MYO10: variants seen among roughly 807,000 people sequenced by gnomAD.
MYO10 encodes the protein unconventional myosin-X.
MYO10 carries 133 observed loss-of-function variants against 257.3 expected under a neutral mutation model. That is an observed-to-expected ratio of 0.52 (90% CI 0.45 to 0.60). The LOEUF (loss-of-function observed/expected upper bound fraction) is 0.60. MYO10 is among the 20% of genes least tolerant of loss of function. The pLI is 0.00. For synonymous variants in MYO10, 1,104 were observed against 1,028.6 expected, an observed-to-expected ratio of 1.07 and a Z score of -1.40; for missense variants, 2,399 against 2,635.7, an observed-to-expected ratio of 0.91 and a Z score of 1.97.
chr5:16,918,166 A>G (rs1056729639), intron 1 of MYO10, among the ~76,000 whole-genome samples: 2 of 152,212 alleles, frequency 1.3e-5, no homozygotes, highest in Non-Finnish European at 2.9e-5. Flanking sequence ...TGTTATCATT[A>G]AACTTGAAAG....
In MYO10 at chr5:16,830,679, G is replaced by GCACACACACACACGCTCACACACACA. The variant is rs1554000806; in HGVS notation, c.121-12513_121-12512insTGTGTGTGTGAGCGTGTGTGTGTGTG. Among the ~76,000 whole-genome samples, 355 of 149,024 alleles carry GCACACACACACACGCTCACACACACA rather than the reference G, an allele frequency of 2.4e-3. 5 individuals carry two copies. Among genetic ancestry groups the GCACACACACACACGCTCACACACACA allele is most frequent in the African/African-American group, 7.7e-3 (312 of 40,302 alleles). Reference sequence around the variant, plus strand: ...AATCCTAACGTTATTTTTTTAATAGGCACACACACACACACACACACAGGG... The same window carrying GCACACACACACACGCTCACACACACA: ...AATCCTAACGTTATTTTTTTAATAGGCACACACACACACGCTCACACACACACACACACACACACACACACACAGGG... On this transcript the variant is annotated intron_variant, in intron 2 of 40. Coordinates refer to ENST00000513610, the MANE Select transcript of MYO10 (RefSeq NM_012334.3).
At chr5:16,870,892 C>G (rs1030133822) in intron 2 of MYO10, among the ~76,000 whole-genome samples, 7 of 152,118 alleles carry the variant, frequency 4.6e-5, no homozygotes, top group Admixed American at 1.3e-4. Context: ...AACTCAGTCA[C>G]ACACACACAA....
chr5:16,833,004 C>T (rs1339278788), intron 2 of MYO10, among the ~76,000 whole-genome samples: 2 of 152,030 alleles, frequency 1.3e-5, no homozygotes, highest in South Asian at 2.1e-4. Context: ...CCCTCTACTG[C>T]CTCCCCTCTA....
In MYO10 at chr5:16,700,963, C is replaced by A; in HGVS notation, c.3432G>T (p.Ser1144=). 6.5e-7 allele frequency: 1 copy of A among 1,548,828 alleles called. No individual in the cohort carries two copies. The highest frequency in any genetic ancestry group is 8.7e-7 in the Non-Finnish European group (1 of 1,144,944). ...YRFSSEGAQS[S]FEDSEEDFDS... is the part of the protein sequence containing the mutation. ...TGGGACACGCCAGGCAGGTACTTAC[C>A]GAGGACTGCGCCCCCTCAGAGCTGA... The change falls in exon 25 of 41, where the codon TCG becomes TCT. Residue 1144 remains serine, a splice_region_variant and synonymous_variant. Transcript: ENST00000513610.
chr5:16,871,937 C>T (rs1319914891), intron 2 of MYO10, among the ~76,000 whole-genome samples: 1 of 152,134 alleles, frequency 6.6e-6, no homozygotes, highest in Admixed American at 6.5e-5. Context: ...ACTAAGCATT[C>T]GATGACCAAA....
chr5:16,904,655 C>A (rs140650164), intron 1 of MYO10, among the ~76,000 whole-genome samples: 2 of 152,152 alleles, frequency 1.3e-5, no homozygotes, highest in South Asian at 2.1e-4. Context: ...TGAGGCTGGG[C>A]GCGGTGGCTC....
chr5:16,874,350 G>GA (rs1355896911), intron 2 of MYO10, among the ~76,000 whole-genome samples: 2 of 110,280 alleles, frequency 1.8e-5, no homozygotes, highest in Non-Finnish European at 3.8e-5. Flanking sequence ...AAAGCGGGGG[G>GA]GGGGGGGGGT....
chr5:16,762,448 G>T, intron 15 of MYO10, 97 bp downstream of exon 15: 1 of 923,908 alleles, frequency 1.1e-6, no homozygotes, highest in Non-Finnish European at 1.7e-6. Flanking sequence ...CAATGTGGGA[G>T]GCACAGTTGG....
At chr5:16,901,031 C>A (rs1421107698) in intron 1 of MYO10, among the ~76,000 whole-genome samples, 1 of 152,092 alleles carries the variant, frequency 6.6e-6, no homozygotes, top group Non-Finnish European at 1.5e-5. Context: ...ACGCCTGGCC[C>A]CTTGCTTAAA....
rs1160653290 is a variant in MYO10, at chr5:16,666,366, G to A, written c.*326C>T. 6 of 251,594 alleles carry A rather than the reference G, an allele frequency of 2.4e-5. No individual in the cohort carries two copies. Among genetic ancestry groups the A allele is most frequent in the Admixed American group, 1.1e-4 (2 of 18,784 alleles). The allele number at this position is 251,594 out of a possible 1,614,324, so 15.6% of individuals were successfully genotyped here. On this transcript the variant is annotated 3_prime_UTR_variant, in exon 41 of 41. Coordinates refer to ENST00000513610, the MANE Select transcript of MYO10 (RefSeq NM_012334.3). Reference sequence around the variant, plus strand: ...CAGTTCCCTTCAGTAGCACAGTTACGGTCGATTAGTGTTGGTTCCACAAGT... The same window carrying A: ...CAGTTCCCTTCAGTAGCACAGTTACAGTCGATTAGTGTTGGTTCCACAAGT...
rs188891123 is a variant in MYO10, at chr5:16,851,863, C to T, written c.120+25746G>A. Among the ~76,000 whole-genome samples, 428 of 151,716 alleles carry T rather than the reference C, an allele frequency of 2.8e-3. 2 individuals carry two copies. Among genetic ancestry groups the T allele is most frequent in the African/African-American group, 7.5e-3 (312 of 41,376 alleles). On this transcript the variant is annotated intron_variant, in intron 2 of 40. Transcript: ENST00000513610. ...GTCAGGAGTTAGAGACCAGCCTGGC[C>T]AACATGATGAAACCCTGTCCGTACT... is the stretch of plus-strand genomic sequence containing the variant.
At chr5:16,812,966 A>G (rs961812956) in intron 3 of MYO10, among the ~76,000 whole-genome samples, 15 of 151,256 alleles carry the variant, frequency 9.9e-5, no homozygotes, top group African/African-American at 3.6e-4. Context: ...CCATTTCAAT[A>G]GAAGATGCCA....
intron 33 of MYO10, among the ~76,000 whole-genome samples, chr5:16,676,929 A>G (rs78580815): frequency 0.018 from 2,796 of 152,358 alleles, 86 homozygotes; most frequent in African/African-American, 0.064. Context: ...ATTTTTATCT[A>G]TAGTTCATTT....
chr5:16,738,278 AG>A, intron 19 of MYO10: 1 of 985,190 alleles, frequency 1.0e-6, no homozygotes, highest in Non-Finnish European at 1.2e-6. Context: ...GTCAGGAAGG[AG>A]GGGTGGTTAG....
At chr5:16,770,831 C>T (rs1021854397) in intron 9 of MYO10, among the ~76,000 whole-genome samples, 57 of 152,338 alleles carry the variant, frequency 3.7e-4, no homozygotes, top group South Asian at 4.1e-4. Flanking sequence ...TGCAGTGGCA[C>T]GATCTCGGCT....
intron 33 of MYO10, 96 bp from the exon 34 acceptor site, chr5:16,676,250 G>T: frequency 7.0e-7 from 1 of 1,431,202 alleles, no homozygotes; most frequent in Non-Finnish European, 9.4e-7. Context: ...ACCTAGTGGG[G>T]CAAAGATGGT....
chr5:16,667,045 C>A (rs904275780), intron 40 of MYO10, among the ~76,000 whole-genome samples: 3 of 152,236 alleles, frequency 2.0e-5, no homozygotes, highest in Non-Finnish European at 2.9e-5. Flanking sequence ...TTGATGGAAA[C>A]TGTCAGACTT....
intron 2 of MYO10, among the ~76,000 whole-genome samples, chr5:16,853,236 T>C (rs920044489): frequency 1.3e-5 from 2 of 151,732 alleles, no homozygotes; most frequent in Non-Finnish European, 2.9e-5. Flanking sequence ...TAGCCAGGCA[T>C]AGTGGTGGGC....
chr5:16,779,789 G>A, intron 8 of MYO10, 141 bp from the exon 9 acceptor site: 3 of 525,668 alleles, frequency 5.7e-6, no homozygotes, highest in Non-Finnish European at 3.3e-6. Flanking sequence ...TTCCCTCTTA[G>A]TTACCATCTA....
Sources: gnomAD v4.1 joint callset for allele counts (sites outside exome capture counted in the v4.1 genomes callset) on GRCh38, gnomAD v4.1.1 for gene constraint, MANE v1.5 for transcripts, NCBI Gene and HGNC (gene_info 2026-07-23, HGNC 2026-07-21) for gene names.